The following ARHGEF6 variants were observed in gnomAD, a reference collection of about 807,000 sequenced individuals.
ARHGEF6 encodes rho guanine nucleotide exchange factor 6.
A neutral mutation model predicts 70.3 loss-of-function variants in ARHGEF6; 9 were observed. The observed-to-expected ratio is 0.13, with a 90% CI of 0.08 to 0.22. ARHGEF6 has a LOEUF of 0.22. Ranked by LOEUF, ARHGEF6 falls within the 10% of genes least tolerant of loss-of-function variation. ARHGEF6 has a pLI of 1.00. For synonymous variants in ARHGEF6, 201 were observed against 207.8 expected (o/e 0.97, Z 0.28); for missense variants, 470 against 563.0 (o/e 0.83, Z 1.67).
rs73633851 is a variant in ARHGEF6, at chrX:136,773,400, T to C, written c.249+6014A>G. On this transcript the variant is annotated intron_variant, in intron 2 of 21. Coordinates refer to ENST00000250617, the MANE Select transcript of ARHGEF6 (RefSeq NM_004840.3). ...ATTTGCAAATATTTATGTTTAAGTCTGTCTTCCAGCTACCTGGAAGCTTCA... is the reference window on the plus strand; with the variant it reads ...ATTTGCAAATATTTATGTTTAAGTCCGTCTTCCAGCTACCTGGAAGCTTCA... Among the ~76,000 whole-genome samples the C allele has an allele frequency of 5.5e-3, 612 of 112,163 alleles. 7 individuals are homozygous for C. The highest frequency in any genetic ancestry group is 0.018 in the African/African-American group (566 of 30,872).
chrX:136,762,120 G>C (rs542052828), intron 2 of ARHGEF6, among the ~76,000 whole-genome samples: 2 of 111,556 alleles, frequency 1.8e-5, no homozygotes, highest in African/African-American at 6.5e-5. Context: ...CACCATGTTG[G>C]CCAGGCTGGT....
intron 2 of ARHGEF6, among the ~76,000 whole-genome samples, chrX:136,757,387 A>C (rs764393143): frequency 4.3e-4 from 48 of 112,420 alleles, no homozygotes; most frequent in African/African-American, 1.3e-3. Flanking sequence ...ACAGAGCAAG[A>C]TGCCATCTCA....
rs1294549422 is a variant in ARHGEF6, at chrX:136,770,366, T to TA, written c.249+9047dup. ...TGACAAAATCCAACTCTTTTCATGA[T>TA]AAAAAACAAAACAAAACACTTATAA... On this transcript the variant is annotated intron_variant, in intron 2 of 21. Transcript: ENST00000250617. 7.1e-5 allele frequency among the ~76,000 whole-genome samples: 8 copies of TA among 112,017 alleles called. No homozygotes were observed. In the East Asian group the frequency reaches 2.0e-3, roughly 27 times the overall value.
At chrX:136,677,991 G>A (rs1295874773) in intron 16 of ARHGEF6, 35 bp from the exon 17 acceptor site, 30 of 1,163,225 alleles carry the variant, frequency 2.6e-5, no homozygotes, top group Admixed American at 4.4e-5. Context: ...GAAGATGAGC[G>A]TGAGAGGTCG....
At chrX:136,718,074 A>G (rs2148628268) in intron 6 of ARHGEF6, among the ~76,000 whole-genome samples, 1 of 111,703 alleles carries the variant, frequency 9.0e-6, no homozygotes, top group African/African-American at 3.2e-5. Flanking sequence ...AGACATTTTC[A>G]GAGTGAATCA....
intron 3 of ARHGEF6, among the ~76,000 whole-genome samples, chrX:136,746,064 T>C (rs2077092642): frequency 8.9e-6 from 1 of 112,030 alleles, no homozygotes; most frequent in Non-Finnish European, 1.9e-5. Context: ...TTTTAAAAGA[T>C]ATAAACTGCA....
At chrX:136,727,379 TTCTTTCTTTCTTTCTTTCTC>T (rs2076872961) in intron 6 of ARHGEF6, among the ~76,000 whole-genome samples, 2 of 62,676 alleles carry the variant, frequency 3.2e-5, no homozygotes, top group African/African-American at 6.1e-5. Flanking sequence ...CTTTCTTTCT[TTCTTTCTTTCTTTCTTTCTC>T]TCTCTCTCTC....
At chrX:136,768,845 G>A (rs2077342248) in intron 2 of ARHGEF6, among the ~76,000 whole-genome samples, 2 of 110,670 alleles carry the variant, frequency 1.8e-5, no homozygotes, top group South Asian at 7.7e-4. Flanking sequence ...ACTTTGGGGA[G>A]GGCACCCCTG....
chrX:136,670,998 TC>T (rs2076220248), intron 20 of ARHGEF6, among the ~76,000 whole-genome samples: 1 of 112,160 alleles, frequency 8.9e-6, no homozygotes, highest in South Asian at 3.8e-4. Flanking sequence ...GGTCTTAGTT[TC>T]TTTACATGTA....
chrX:136,668,527 CT>C (rs1261612900), intron 21 of ARHGEF6, among the ~76,000 whole-genome samples: 3 of 100,551 alleles, frequency 3.0e-5, no homozygotes, highest in Non-Finnish European at 5.8e-5. Flanking sequence ...TCTTCTTCTT[CT>C]TCTTCTTATT....
chrX:136,704,832 A>T, intron 9 of ARHGEF6, among the ~76,000 whole-genome samples: 1 of 111,793 alleles, frequency 8.9e-6, no homozygotes, highest in East Asian at 2.8e-4. Context: ...CAGATGCTCA[A>T]TATCATTATT....
At chrX:136,668,635 T>C (rs2087799171) in intron 21 of ARHGEF6, among the ~76,000 whole-genome samples, 1 of 108,208 alleles carries the variant, frequency 9.2e-6, no homozygotes, top group Non-Finnish European at 1.9e-5. Flanking sequence ...AGCCTCAAAC[T>C]CCCGGGCTTA....
chrX:136,694,288 A>G (rs758222515), intron 9 of ARHGEF6, among the ~76,000 whole-genome samples: 1 of 111,728 alleles, frequency 9.0e-6, no homozygotes, highest in Non-Finnish European at 1.9e-5. Flanking sequence ...CCTGACCTCC[A>G]GTGATCCACC....
intron 6 of ARHGEF6, among the ~76,000 whole-genome samples, chrX:136,724,533 C>G (rs764238798): frequency 9.0e-6 from 1 of 111,452 alleles, no homozygotes; most frequent in African/African-American, 3.3e-5. Context: ...CTGTGTCACC[C>G]AAGGAGGAGT....
At chrX:136,729,507 A>T (rs1164783082) in intron 6 of ARHGEF6, among the ~76,000 whole-genome samples, 5 of 99,248 alleles carry the variant, frequency 5.0e-5, no homozygotes, top group African/African-American at 1.9e-4. Flanking sequence ...AGGTCTGGTC[A>T]GAGACAAGTA....
Position 136,706,890 on chromosome X carries a change from G to A in ARHGEF6, c.1046+18C>T. 1 of 1,211,322 alleles carries A rather than the reference G, an allele frequency of 8.3e-7. No homozygotes were observed. The highest frequency in any genetic ancestry group is 1.1e-6 in the Non-Finnish European group (1 of 895,201). ...AAAGGATCTCATTGCAAAAGTTGGGGAAATGTTAACTATTTACCTGTGCTG... is the reference window on the plus strand; with the variant it reads ...AAAGGATCTCATTGCAAAAGTTGGGAAAATGTTAACTATTTACCTGTGCTG... On this transcript the variant is annotated intron_variant, in intron 9 of 21. Coordinates refer to ENST00000250617, the MANE Select transcript of ARHGEF6 (RefSeq NM_004840.3).
At chrX:136,745,380 C>T (rs1272490294) in intron 3 of ARHGEF6, 33 bp from the exon 4 acceptor site, 2 of 1,206,641 alleles carry the variant, frequency 1.7e-6, no homozygotes, top group Admixed American at 4.3e-5. Context: ...GTTAAAGGAA[C>T]CACTCAGATC....
chrX:136,752,257 C>A (rs182634747), intron 2 of ARHGEF6, among the ~76,000 whole-genome samples: 1 of 112,195 alleles, frequency 8.9e-6, no homozygotes, highest in East Asian at 2.8e-4. Context: ...GGGGCCTTGC[C>A]TAATTCCTGT....
At chrX:136,708,282 A>T (rs940068563) in intron 8 of ARHGEF6, among the ~76,000 whole-genome samples, 1 of 109,217 alleles carries the variant, frequency 9.2e-6, no homozygotes, top group African/African-American at 3.3e-5. Flanking sequence ...TAAATCCTGG[A>T]TGACGGGTTG....
Sources: gnomAD v4.1 joint callset for allele counts (sites outside exome capture counted in the v4.1 genomes callset) on GRCh38, gnomAD v4.1.1 for gene constraint, MANE v1.5 for transcripts, NCBI Gene and HGNC (gene_info 2026-07-23, HGNC 2026-07-21) for gene names.